Variants in CR1L observed in about 807,000 individuals in gnomAD.
CR1L encodes the protein complement component receptor 1-like protein.
In CR1L, 59 loss-of-function variants were observed where a neutral mutation model predicts 62.3. That is an observed-to-expected ratio of 0.95 (90% CI 0.77 to 1.18). The LOEUF is 1.18. CR1L is among the 50% of genes most tolerant of loss of function. CR1L has a pLI of 0.00. For synonymous variants in CR1L, 279 were observed against 248.7 expected (o/e 1.12, Z -1.15); for missense variants, 700 against 702.8 (o/e 1.00, Z 0.04).
At chr1:207,704,852 G>A (rs1352769109) in intron 9 of CR1L, among the ~76,000 whole-genome samples, 1 of 152,124 alleles carries the variant, frequency 6.6e-6, no homozygotes, top group African/African-American at 2.4e-5. Flanking sequence ...GACTTGGTTT[G>A]TTGTGATATT....
chr1:207,700,252 T>C (rs1664170751), intron 8 of CR1L, among the ~76,000 whole-genome samples: 1 of 152,228 alleles, frequency 6.6e-6, no homozygotes, highest in Non-Finnish European at 1.5e-5. Flanking sequence ...AGTAAAATTT[T>C]GGAAGAACAT....
At chr1:207,670,229 T>G (rs1448143093) in intron 1 of CR1L, among the ~76,000 whole-genome samples, 2 of 151,056 alleles carry the variant, frequency 1.3e-5, no homozygotes, top group African/African-American at 5.0e-5. Context: ...ATCATCATGA[T>G]GCACTTGATT....
At chr1:207,661,223 C>CT (rs1663415482) in intron 1 of CR1L, among the ~76,000 whole-genome samples, 1 of 152,074 alleles carries the variant, frequency 6.6e-6, no homozygotes, top group Non-Finnish European at 1.5e-5. Flanking sequence ...TCTCATTGAT[C>CT]GTCTAATGTT....
chr1:207,697,996 A>ACAC, intron 7 of CR1L, 123 bp downstream of exon 7: 1 of 1,417,374 alleles, frequency 7.1e-7, no homozygotes, highest in Non-Finnish European at 9.6e-7. Context: ...ACACACACAC[A>ACAC]ATCAGAGAGA....
rs1664042363 is a variant in CR1L at position 207,694,528 on chromosome 1, A to G, written c.639A>G (p.Gln213=). ...PSIYCTSKDD[Q]VGIWSGPAPQ... Reference sequence around the variant, plus strand: ...TATACTGCACCAGCAAAGATGATCAAGTGGGCATCTGGAGTGGCCCAGCCC... The same window carrying G: ...TATACTGCACCAGCAAAGATGATCAGGTGGGCATCTGGAGTGGCCCAGCCC... Residue 213 remains glutamine, a synonymous_variant, in exon 5 of 12, where the codon CAA becomes CAG. Coordinates refer to ENST00000508064, the MANE Select transcript of CR1L (RefSeq NM_175710.2). The G allele has an allele frequency of 3.1e-6, 5 of 1,613,270 alleles. No homozygotes were observed. In the East Asian group the frequency reaches 8.9e-5, roughly 29 times the overall value.
At chr1:207,697,125 T>C (rs1664111304) in intron 5 of CR1L, among the ~76,000 whole-genome samples, 2 of 152,198 alleles carry the variant, frequency 1.3e-5, no homozygotes, top group South Asian at 4.1e-4. Flanking sequence ...AAGACGAAAT[T>C]GGTGATGCCT....
intron 1 of CR1L, among the ~76,000 whole-genome samples, 189 bp from the exon 2 acceptor site, chr1:207,677,200 T>C (rs1481629782): frequency 6.8e-6 from 1 of 147,324 alleles, no homozygotes; most frequent in African/African-American, 2.5e-5. Flanking sequence ...CAGGCGCCTG[T>C]AATCCCATCT....
At chr1:207,718,507 C>G (rs1169972836) in intron 11 of CR1L, among the ~76,000 whole-genome samples, 1 of 152,176 alleles carries the variant, frequency 6.6e-6, no homozygotes, top group Admixed American at 6.5e-5. Flanking sequence ...ATGCAACCCC[C>G]GCCTCCTGGG....
Position 207,706,013 on chromosome 1 carries a change from G to GTATATATATATA in CR1L, c.1329-2144_1329-2133dup, listed in dbSNP as rs139294447. Among the ~76,000 whole-genome samples the GTATATATATATA allele has an allele frequency of 9.0e-3, 1,202 of 133,290 alleles. 18 individuals carry two copies. Among genetic ancestry groups the GTATATATATATA allele is most frequent in the Non-Finnish European group, 0.014 (849 of 60,814 alleles). 87.4% of individuals were successfully genotyped at this position (133,290 alleles called of 152,430 possible). A position where few individuals can be genotyped will look rare whatever the true frequency, so the allele number is the denominator to read the frequency against. Reference sequence around the variant, plus strand: ...GTGTCATATATATGTGTGTGTGTATGTATATATATATATATATATATATAT... The same window carrying GTATATATATATA: ...GTGTCATATATATGTGTGTGTGTATGTATATATATATATATATATATATATATATATATATAT... On this transcript the variant is annotated intron_variant, in intron 9 of 11. Transcript: ENST00000508064.
At chr1:207,704,994 G>A (rs1482006127) in intron 9 of CR1L, among the ~76,000 whole-genome samples, 2 of 152,190 alleles carry the variant, frequency 1.3e-5, no homozygotes, top group East Asian at 3.9e-4. Context: ...AAATCAAGGT[G>A]TTGGGAAGAC....
intron 4 of CR1L, among the ~76,000 whole-genome samples, chr1:207,684,469 A>T (rs548276589): frequency 6.6e-5 from 10 of 152,228 alleles, no homozygotes; most frequent in Admixed American, 5.9e-4. Context: ...GCAGTTTGGT[A>T]TAAACTTTTC....
At chr1:207,723,563 T>G in intron 11 of CR1L, 55 bp from the exon 12 acceptor site, 1 of 1,409,254 alleles carries the variant, frequency 7.1e-7, no homozygotes, top group East Asian at 2.3e-5. Flanking sequence ...AGAAGTCCTG[T>G]TCAATCATGT....
intron 1 of CR1L, among the ~76,000 whole-genome samples, chr1:207,663,881 TG>T (rs1295939640): frequency 6.6e-6 from 1 of 152,250 alleles, no homozygotes; most frequent in Non-Finnish European, 1.5e-5. Flanking sequence ...AGTCTTTTGA[TG>T]TAACACATTT....
chr1:207,659,997 C>G (rs1225725443), intron 1 of CR1L, among the ~76,000 whole-genome samples: 1 of 152,076 alleles, frequency 6.6e-6, no homozygotes, highest in Non-Finnish European at 1.5e-5. Context: ...TCTATGCTCA[C>G]AGTGTAAACA....
intron 1 of CR1L, among the ~76,000 whole-genome samples, chr1:207,647,632 A>G (rs559033798): frequency 3.3e-5 from 5 of 152,276 alleles, no homozygotes; most frequent in African/African-American, 9.6e-5. Context: ...TAAATATACT[A>G]TTTGGCTGGG....
At chr1:207,667,610 A>G (rs1663542493) in intron 1 of CR1L, among the ~76,000 whole-genome samples, 1 of 152,188 alleles carries the variant, frequency 6.6e-6, no homozygotes, top group African/African-American at 2.4e-5. Context: ...TATTCAGCCT[A>G]CCACGCACTC....
chr1:207,657,792 G>T (rs1414726385), intron 1 of CR1L, among the ~76,000 whole-genome samples: 3 of 152,144 alleles, frequency 2.0e-5, no homozygotes. Flanking sequence ...CAGGGGACTT[G>T]CCCGTTTAAA....
At position 207,717,500 on chromosome 1, in the gene CR1L, G is replaced by C. The variant is rs763062959; in HGVS notation, c.1451G>C (p.Gly484Ala). The C allele has an allele frequency of 1.7e-5, 28 of 1,613,382 alleles. No individual in the cohort carries two copies. Among genetic ancestry groups the C allele is most frequent in the Non-Finnish European group, 2.0e-5 (24 of 1,179,600 alleles). ...FCPNPPAILN[G>A]RHTGTPLGDI... ...CCAAATCCTCCAGCTATCCTTAATG[G>C]GAGACACACAGGAACTCCCCTTGGA... The change falls in exon 11 of 12, where the codon GGG becomes GCG. Residue 484 changes from glycine to alanine, a missense_variant. Coordinates refer to ENST00000508064, the MANE Select transcript of CR1L (RefSeq NM_175710.2).
At chr1:207,718,150 A>G (rs1234723796) in intron 11 of CR1L, among the ~76,000 whole-genome samples, 1 of 152,164 alleles carries the variant, frequency 6.6e-6, no homozygotes, top group Admixed American at 6.5e-5. Context: ...AGGGATTTAT[A>G]CTTTTTATGT....
Sources: gnomAD v4.1 joint callset for allele counts (sites outside exome capture counted in the v4.1 genomes callset) on GRCh38, gnomAD v4.1.1 for gene constraint, MANE v1.5 for transcripts, NCBI Gene and HGNC (gene_info 2026-07-23, HGNC 2026-07-21) for gene names.